PDE4D: variants seen among roughly 807,000 people sequenced by gnomAD.
PDE4D encodes the protein phosphodiesterase 4D, also known as 3',5'-cyclic-AMP phosphodiesterase 4D.
Under a neutral mutation model 87.4 loss-of-function variants are expected in PDE4D, and 24 were observed. The observed-to-expected ratio is 0.27, with a 90% CI of 0.20 to 0.39. PDE4D has a LOEUF of 0.39. PDE4D is among the 10% of genes least tolerant of loss of function. PDE4D has a pLI of 1.00. For synonymous variants in PDE4D, 384 were observed against 383.2 expected, an observed-to-expected ratio of 1.00 and a Z score of -0.02; for missense variants, 714 against 1,041.0, an observed-to-expected ratio of 0.69 and a Z score of 4.32.
chr5:59,006,021 AGCCCTG>A (rs1256009721), intron 6 of PDE4D, among the ~76,000 whole-genome samples: 1 of 152,260 alleles, frequency 6.6e-6, no homozygotes, highest in East Asian at 1.9e-4. Flanking sequence ...ACAGGCAGAC[AGCCCTG>A]CCATATAGTG....
At chr5:59,036,523 AG>A (rs1278286180) in intron 6 of PDE4D, among the ~76,000 whole-genome samples, 1 of 152,202 alleles carries the variant, frequency 6.6e-6, no homozygotes, top group African/African-American at 2.4e-5. Context: ...CAACACTCAC[AG>A]GGGCCTTCCG....
At chr5:59,291,223 A>T (rs1165788491) in intron 1 of PDE4D, among the ~76,000 whole-genome samples, 1 of 152,224 alleles carries the variant, frequency 6.6e-6, no homozygotes, top group African/African-American at 2.4e-5. Flanking sequence ...AATATGGTGC[A>T]TATATATAAT....
At chr5:59,217,754 A>G (rs1751569993) in intron 1 of PDE4D, among the ~76,000 whole-genome samples, 1 of 152,172 alleles carries the variant, frequency 6.6e-6, no homozygotes, top group African/African-American at 2.4e-5. Flanking sequence ...ATAAACCACA[A>G]ATATATGTGG....
At chr5:60,298,931 C>T (rs776948430) in intron 1 of PDE4D, among the ~76,000 whole-genome samples, 8 of 152,210 alleles carry the variant, frequency 5.3e-5, no homozygotes, top group African/African-American at 1.7e-4. Flanking sequence ...ACAGTCACCA[C>T]GGAACTTTGA....
intron 1 of PDE4D, chr5:60,430,984 T>C: frequency 1.5e-5 from 4 of 275,742 alleles, no homozygotes; most frequent in South Asian, 1.1e-4. Context: ...CTCAATCTTT[T>C]CCCCACCTTT....
intron 1 of PDE4D, among the ~76,000 whole-genome samples, chr5:59,221,926 T>A (rs1401626558): frequency 6.6e-6 from 1 of 152,150 alleles, no homozygotes; most frequent in Non-Finnish European, 1.5e-5. Flanking sequence ...AGAAGGCAGT[T>A]TTGGAGGAGG....
chr5:60,047,759 T>C (rs1232434247), intron 2 of PDE4D, among the ~76,000 whole-genome samples: 1 of 152,104 alleles, frequency 6.6e-6, no homozygotes, highest in Non-Finnish European at 1.5e-5. Flanking sequence ...CTGTTTTACA[T>C]TTGCTGAGGA....
At chr5:59,727,242 T>C (rs901761847) in intron 1 of PDE4D, among the ~76,000 whole-genome samples, 3 of 152,150 alleles carry the variant, frequency 2.0e-5, no homozygotes, top group African/African-American at 7.2e-5. Context: ...TCAACTTTTC[T>C]ATCAACAATG....
chr5:59,468,917 A>C (rs1801992172), intron 1 of PDE4D, among the ~76,000 whole-genome samples: 1 of 152,210 alleles, frequency 6.6e-6, no homozygotes, highest in East Asian at 1.9e-4. Context: ...GAGAGAAACA[A>C]GGGCTTTGCT....
intron 5 of PDE4D, among the ~76,000 whole-genome samples, chr5:59,099,034 T>G (rs1258647532): frequency 6.6e-6 from 1 of 152,216 alleles, no homozygotes; most frequent in Non-Finnish European, 1.5e-5. Flanking sequence ...ATCTTTTGAC[T>G]AGGCAGATGT....
chr5:59,510,447 G>A (rs970607582), intron 1 of PDE4D, among the ~76,000 whole-genome samples: 13 of 151,430 alleles, frequency 8.6e-5, no homozygotes, highest in African/African-American at 2.4e-4. Flanking sequence ...TGACACAAAC[G>A]AGATACAGAA....
intron 1 of PDE4D, among the ~76,000 whole-genome samples, chr5:59,480,149 A>G (rs866239730): frequency 6.6e-6 from 1 of 151,992 alleles, no homozygotes; most frequent in African/African-American, 2.4e-5. Context: ...TTCATTAAAG[A>G]AGAAATTCTC....
At chr5:59,120,807 T>C (rs1774356663) in intron 5 of PDE4D, among the ~76,000 whole-genome samples, 1 of 151,986 alleles carries the variant, frequency 6.6e-6, no homozygotes, top group African/African-American at 2.4e-5. Flanking sequence ...AAAAGCAACA[T>C]GGTATAAAAA....
intron 2 of PDE4D, among the ~76,000 whole-genome samples, chr5:60,037,374 A>G (rs1767932415): frequency 6.6e-6 from 1 of 152,216 alleles, no homozygotes; most frequent in Non-Finnish European, 1.5e-5. Context: ...GATCTTTACA[A>G]AAAGATTTAA....
intron 1 of PDE4D, among the ~76,000 whole-genome samples, chr5:60,308,110 A>T (rs981911419): frequency 2.6e-5 from 4 of 152,228 alleles, no homozygotes; most frequent in Admixed American, 6.5e-5. Context: ...ATGACAATTT[A>T]AAAATGGAGA....
chr5:59,739,565 A>G (rs1013479786), intron 1 of PDE4D, among the ~76,000 whole-genome samples: 34 of 152,218 alleles, frequency 2.2e-4, no homozygotes, highest in South Asian at 1.9e-3. Context: ...GATAAATTAG[A>G]TTTTATCCAA....
At chr5:59,913,403 C>A (rs541602975) in intron 3 of PDE4D, among the ~76,000 whole-genome samples, 11 of 152,192 alleles carry the variant, frequency 7.2e-5, no homozygotes, top group African/African-American at 2.4e-4. Context: ...AACAGTAACA[C>A]CTTTCATATA....
chr5:60,049,716 T>A (rs1769843791), intron 2 of PDE4D, among the ~76,000 whole-genome samples: 1 of 152,226 alleles, frequency 6.6e-6, no homozygotes, highest in Non-Finnish European at 1.5e-5. Flanking sequence ...GGAGGCAGTC[T>A]GCCCGTTCTC....
At chr5:59,310,247 T>G (rs1772310319) in intron 1 of PDE4D, among the ~76,000 whole-genome samples, 1 of 152,162 alleles carries the variant, frequency 6.6e-6, no homozygotes, top group Non-Finnish European at 1.5e-5. Context: ...TTATGCTTCC[T>G]TTTTTTCTGT....
Sources: allele counts gnomAD v4.1 joint callset (sites outside exome capture counted in the v4.1 genomes callset), GRCh38; gene constraint gnomAD v4.1.1; transcripts MANE v1.5; gene names NCBI Gene and HGNC (gene_info 2026-07-23, HGNC 2026-07-21).